Variants in EDIL3 observed in about 807,000 individuals in gnomAD.
EDIL3 encodes the protein EGF-like repeat and discoidin I-like domain-containing protein 3.
In EDIL3, 37 loss-of-function variants were observed where a neutral mutation model predicts 67.4. The observed-to-expected ratio is 0.55, with a 90% confidence interval of 0.42 to 0.72. The LOEUF is 0.72. EDIL3 is among the 30% of genes least tolerant of loss of function. The pLI is 0.00. For synonymous variants in EDIL3, 195 were observed against 196.3 expected, an observed-to-expected ratio of 0.99 and a Z score of 0.05; for missense variants, 527 against 586.3, an observed-to-expected ratio of 0.90 and a Z score of 1.04.
chr5:84,094,146 G>T (rs1020579314), intron 6 of EDIL3, among the ~76,000 whole-genome samples: 1 of 152,138 alleles, frequency 6.6e-6, no homozygotes, highest in Non-Finnish European at 1.5e-5. Context: ...TTTCAGGACA[G>T]AAGCATTAAG....
In EDIL3 at chr5:83,963,363, T is replaced by A; in HGVS notation, c.1138-3A>T. The A allele has an allele frequency of 1.3e-6, 2 of 1,585,364 alleles. No individual in the cohort carries two copies. The highest frequency in any genetic ancestry group is 2.3e-5 in the East Asian group (1 of 44,204). ...TTGGTTGGAACAAGAAGATCCACCTTAAAAAAAAGAAAAATACAGGCTTTA... is the reference window on the plus strand; with the variant it reads ...TTGGTTGGAACAAGAAGATCCACCTAAAAAAAAAGAAAAATACAGGCTTTA... On this transcript the variant is annotated splice_polypyrimidine_tract_variant and splice_region_variant and intron_variant, in intron 9 of 10. Transcript: ENST00000296591.
intron 1 of EDIL3, among the ~76,000 whole-genome samples, chr5:84,373,052 C>T (rs892762082): frequency 1.3e-5 from 2 of 152,114 alleles, no homozygotes; most frequent in African/African-American, 2.4e-5. Context: ...AGTTCCTTTG[C>T]TGCTCCAGGC....
chr5:83,964,286 C>T (rs186293670), intron 9 of EDIL3, among the ~76,000 whole-genome samples: 2 of 151,898 alleles, frequency 1.3e-5, no homozygotes, highest in East Asian at 3.9e-4. Context: ...TTTATGCAGA[C>T]AACTCTTGTA....
intron 3 of EDIL3, among the ~76,000 whole-genome samples, chr5:84,219,101 G>T (rs1427435240): frequency 6.6e-6 from 1 of 152,160 alleles, no homozygotes; most frequent in Non-Finnish European, 1.5e-5. Context: ...CCCAGTGTTG[G>T]TGGCCACAGA....
At chr5:84,342,341 G>T (rs1220176319) in intron 1 of EDIL3, among the ~76,000 whole-genome samples, 1 of 151,976 alleles carries the variant, frequency 6.6e-6, no homozygotes, top group Non-Finnish European at 1.5e-5. Context: ...AAAAGTAACT[G>T]CAGTTTTTGT....
intron 9 of EDIL3, among the ~76,000 whole-genome samples, chr5:83,987,153 A>G (rs1463721622): frequency 6.6e-6 from 1 of 152,132 alleles, no homozygotes; most frequent in Non-Finnish European, 1.5e-5. Flanking sequence ...CCTTCCCTCT[A>G]GCACCATGCT....
At chr5:84,168,241 C>T (rs1005206036) in intron 4 of EDIL3, among the ~76,000 whole-genome samples, 1 of 152,000 alleles carries the variant, frequency 6.6e-6, no homozygotes, top group Non-Finnish European at 1.5e-5. Flanking sequence ...TGTATTTTAG[C>T]ATGTAATTAT....
intron 4 of EDIL3, among the ~76,000 whole-genome samples, chr5:84,151,868 C>T (rs1383277290): frequency 6.6e-6 from 1 of 150,868 alleles, no homozygotes; most frequent in Admixed American, 6.6e-5. Context: ...CATACAGGAA[C>T]TATGAAATAA....
intron 3 of EDIL3, among the ~76,000 whole-genome samples, chr5:84,211,417 G>T (rs1011634853): frequency 5.9e-5 from 9 of 152,152 alleles, no homozygotes; most frequent in Non-Finnish European, 1.3e-4. Context: ...ACAACCTGCA[G>T]AACTATGAGC....
chr5:84,124,890 A>G (rs1384154162), intron 5 of EDIL3, among the ~76,000 whole-genome samples: 1 of 151,958 alleles, frequency 6.6e-6, no homozygotes, highest in African/African-American at 2.4e-5. Flanking sequence ...GTTGAATAAT[A>G]CTAAATGAAT....
chr5:84,193,848 C>T (rs886782759), intron 3 of EDIL3, among the ~76,000 whole-genome samples: 3 of 151,866 alleles, frequency 2.0e-5, no homozygotes, highest in Non-Finnish European at 4.4e-5. Context: ...TCTTGCAGAA[C>T]CCAACAGATA....
chr5:84,009,600 G>C (rs1297265481), intron 9 of EDIL3, among the ~76,000 whole-genome samples: 6 of 152,132 alleles, frequency 3.9e-5, no homozygotes, highest in African/African-American at 1.2e-4. Flanking sequence ...TTAATTTAAT[G>C]AGCTAACATT....
At chr5:84,288,694 A>G (rs1745857351) in intron 1 of EDIL3, among the ~76,000 whole-genome samples, 1 of 152,128 alleles carries the variant, frequency 6.6e-6, no homozygotes, top group East Asian at 1.9e-4. Flanking sequence ...TTACTAAGAA[A>G]TTATCTTCTC....
chr5:84,074,847 G>A (rs1349409959), intron 6 of EDIL3, among the ~76,000 whole-genome samples: 2 of 152,122 alleles, frequency 1.3e-5, no homozygotes, highest in Admixed American at 6.5e-5. Flanking sequence ...TCCCATTACT[G>A]GGTATATGCC....
chr5:84,364,372 G>A (rs151240476), intron 1 of EDIL3, among the ~76,000 whole-genome samples: 23 of 152,228 alleles, frequency 1.5e-4, no homozygotes, highest in Middle Eastern at 3.4e-3. Context: ...ATACCTAAAC[G>A]AATTCATATT....
intron 1 of EDIL3, among the ~76,000 whole-genome samples, chr5:84,363,037 A>G (rs889278636): frequency 1.3e-5 from 2 of 152,096 alleles, no homozygotes; most frequent in Non-Finnish European, 2.9e-5. Flanking sequence ...TACTAACTGA[A>G]GAGGTAATTT....
At chr5:84,098,961 G>A (rs1747313746) in intron 6 of EDIL3, among the ~76,000 whole-genome samples, 1 of 152,018 alleles carries the variant, frequency 6.6e-6, no homozygotes, top group Non-Finnish European at 1.5e-5. Context: ...ATCAACAATT[G>A]TGAATGGGAG....
chr5:84,066,412 C>T (rs1439281784), intron 7 of EDIL3, 39 bp downstream of exon 7: 12 of 1,548,046 alleles, frequency 7.8e-6, no homozygotes, highest in Non-Finnish European at 1.0e-5. Flanking sequence ...TTATCAATGA[C>T]ATTTTTCTTT....
chr5:84,366,975 C>T (rs1747751375), intron 1 of EDIL3, among the ~76,000 whole-genome samples: 1 of 152,096 alleles, frequency 6.6e-6, no homozygotes, highest in Non-Finnish European at 1.5e-5. Flanking sequence ...AATAATTATC[C>T]ACAATGGCAC....
Sources: allele counts gnomAD v4.1 joint callset (sites outside exome capture counted in the v4.1 genomes callset), GRCh38; gene constraint gnomAD v4.1.1; transcripts MANE v1.5; gene names NCBI Gene and HGNC (gene_info 2026-07-23, HGNC 2026-07-21).